SLC30A8: variants seen among roughly 807,000 people sequenced by gnomAD.
SLC30A8 encodes the protein proton-coupled zinc antiporter SLC30A8.
Under a neutral mutation model 36.9 loss-of-function variants are expected in SLC30A8, and 27 were observed. That is an observed-to-expected ratio of 0.73 (90% CI 0.54 to 1.01). The LOEUF (loss-of-function observed/expected upper bound fraction) is 1.01, where lower values mean the gene tolerates loss of function less well. Ranked by LOEUF, SLC30A8 falls within the 50% of genes least tolerant of loss-of-function variation. SLC30A8 has a pLI of 0.00. For missense variants in SLC30A8, 439 were observed against 452.0 expected, an observed-to-expected ratio of 0.97 and a Z score of 0.26; for synonymous variants, 164 against 172.4, an observed-to-expected ratio of 0.95 and a Z score of 0.38.
intron 1 of SLC30A8, among the ~76,000 whole-genome samples, chr8:117,140,172 G>T (rs1380398467): frequency 1.3e-5 from 2 of 152,012 alleles, no homozygotes; most frequent in Non-Finnish European, 2.9e-5. Context: ...CACTGAACTT[G>T]AAGATAGATT....
chr8:117,138,720 G>A (rs945535204), intron 1 of SLC30A8, among the ~76,000 whole-genome samples: 1 of 151,954 alleles, frequency 6.6e-6, no homozygotes, highest in African/African-American at 2.4e-5. Flanking sequence ...TGTATAGGAT[G>A]TATTCCAGGA....
intron 2 of SLC30A8, among the ~76,000 whole-genome samples, chr8:117,117,901 G>T (rs771557419): frequency 2.0e-5 from 3 of 151,920 alleles, no homozygotes; most frequent in Non-Finnish European, 2.9e-5. Flanking sequence ...GGCCTAGTTT[G>T]AAAAGGACAA....
At chr8:117,114,828 A>G (rs1820376250) in intron 2 of SLC30A8, among the ~76,000 whole-genome samples, 1 of 152,052 alleles carries the variant, frequency 6.6e-6, no homozygotes, top group African/African-American at 2.4e-5. Flanking sequence ...AGAAATGGGA[A>G]TGTAGAGATC....
At chr8:117,163,386 A>C in intron 5 of SLC30A8, 39 bp from the exon 6 acceptor site, 10 of 1,425,542 alleles carry the variant, frequency 7.0e-6, no homozygotes, top group African/African-American at 1.4e-5. Flanking sequence ...AAAGAGAGGT[A>C]TGAATTCAGT....
intron 2 of SLC30A8, among the ~76,000 whole-genome samples, chr8:117,116,351 A>G (rs1820445382): frequency 6.6e-6 from 1 of 152,112 alleles, no homozygotes; most frequent in Admixed American, 6.6e-5. Context: ...CTGAACTAAA[A>G]TACTAAAACA....
At chr8:117,054,004 G>A (rs1817789686) in intron 2 of SLC30A8, among the ~76,000 whole-genome samples, 1 of 151,434 alleles carries the variant, frequency 6.6e-6, no homozygotes, top group Admixed American at 6.6e-5. Flanking sequence ...TTTCCATTAT[G>A]TTGCAATAAT....
At chr8:116,962,642 A>G (rs1257666726) in intron 1 of SLC30A8, among the ~76,000 whole-genome samples, 1 of 152,010 alleles carries the variant, frequency 6.6e-6, no homozygotes, top group Non-Finnish European at 1.5e-5. Context: ...AGCAAACAGT[A>G]AAAGTCCCAA....
intron 1 of SLC30A8, among the ~76,000 whole-genome samples, chr8:117,021,851 C>T (rs1485718388): frequency 2.6e-5 from 4 of 151,958 alleles, no homozygotes; most frequent in African/African-American, 9.7e-5. Flanking sequence ...AGAAGTAAAC[C>T]CACACAGATG....
At chr8:117,009,424 T>G (rs1034135858) in intron 1 of SLC30A8, among the ~76,000 whole-genome samples, 1 of 152,230 alleles carries the variant, frequency 6.6e-6, no homozygotes, top group Non-Finnish European at 1.5e-5. Context: ...CTTCAAGAAC[T>G]AGGTGAACAA....
intron 1 of SLC30A8, among the ~76,000 whole-genome samples, chr8:116,979,770 C>T (rs929248589): frequency 1.3e-5 from 2 of 152,168 alleles, no homozygotes; most frequent in African/African-American, 2.4e-5. Context: ...TGCAAGATGT[C>T]GCTACCCATG....
intron 2 of SLC30A8, among the ~76,000 whole-genome samples, chr8:117,095,181 C>A (rs1819303724): frequency 6.6e-6 from 1 of 152,204 alleles, no homozygotes; most frequent in African/African-American, 2.4e-5. Context: ...CTCTGTGTAG[C>A]ACAGAGCCCT....
intron 2 of SLC30A8, among the ~76,000 whole-genome samples, chr8:117,088,890 A>G (rs1028940231): frequency 3.3e-5 from 5 of 152,218 alleles, no homozygotes; most frequent in African/African-American, 4.8e-5. Context: ...GAGGTAGCAC[A>G]TGAATGTATC....
At chr8:117,051,462 C>A (rs1447182294) in intron 2 of SLC30A8, among the ~76,000 whole-genome samples, 1 of 152,160 alleles carries the variant, frequency 6.6e-6, no homozygotes, top group Non-Finnish European at 1.5e-5. Context: ...GCTTAGTGTC[C>A]ACCCCATGGT....
In SLC30A8 at chr8:117,175,938, C is replaced by T. The variant is rs1336111095; in HGVS notation, c.*3257C>T. Reference sequence around the variant, plus strand: ...CTTTCTGACTGTCTCTGAAAGCTTCCGCTTTTATCTTTGAAGAGCAGAATT... The same window carrying T: ...CTTTCTGACTGTCTCTGAAAGCTTCTGCTTTTATCTTTGAAGAGCAGAATT... On this transcript the variant is annotated 3_prime_UTR_variant, in exon 8 of 8. Coordinates refer to ENST00000456015, the MANE Select transcript of SLC30A8 (RefSeq NM_173851.3). 2.0e-5 allele frequency: 3 copies of T among 151,952 alleles called. No individual in the cohort carries two copies. Among genetic ancestry groups the T allele is most frequent in the Admixed American group, 2.0e-4 (3 of 15,238 alleles). 9.4% of individuals were successfully genotyped at this position (151,952 alleles called of 1,614,324 possible).
chr8:116,964,557 G>A (rs1814535178), intron 1 of SLC30A8, among the ~76,000 whole-genome samples: 1 of 152,208 alleles, frequency 6.6e-6, no homozygotes, highest in Non-Finnish European at 1.5e-5. Context: ...AAGTGTTTAT[G>A]CAGCACCTGC....
chr8:117,048,510 G>A lies in SLC30A8; in HGVS notation c.-226+9252G>A, dbSNP rs763407682. ...AAATGCATCTTTATGTACCTATCACGGTAAGCAATTTATGCTTCCCATCCT... is the reference window on the plus strand; with the variant it reads ...AAATGCATCTTTATGTACCTATCACAGTAAGCAATTTATGCTTCCCATCCT... On this transcript the variant is annotated intron_variant, in intron 2 of 10. Transcript: ENST00000427715. Among the ~76,000 whole-genome samples the A allele has an allele frequency of 7.3e-4, 111 of 152,006 alleles. 1 individual carries two copies. Among genetic ancestry groups the A allele is most frequent in the Non-Finnish European group, 3.5e-4 (24 of 67,994 alleles).
chr8:116,990,575 A>C (rs1469992294), intron 1 of SLC30A8, among the ~76,000 whole-genome samples: 4 of 152,164 alleles, frequency 2.6e-5, no homozygotes, highest in African/African-American at 7.2e-5. Context: ...AAAATAAGGA[A>C]AGAGTGAGAA....
rs539129484 is a variant in SLC30A8, at chr8:117,168,292, C to T, written c.830-2742C>T. Among the ~76,000 whole-genome samples the T allele has an allele frequency of 2.6e-5, 4 of 152,256 alleles. No homozygotes were observed. In the East Asian group the frequency reaches 7.7e-4, roughly 29 times the overall value. ...CAGCATATGAAAGTGCCCCTTTCCT[C>T]ACATCATCACAACCACTGAGTATTA... On this transcript the variant is annotated intron_variant, in intron 6 of 7. Transcript: ENST00000456015.
At chr8:117,084,067 A>G (rs1030708373) in intron 2 of SLC30A8, among the ~76,000 whole-genome samples, 24 of 152,128 alleles carry the variant, frequency 1.6e-4, no homozygotes, top group African/African-American at 5.5e-4. Flanking sequence ...ATTTTTGACT[A>G]TAATTTTCTC....
Sources: gnomAD v4.1 joint callset for allele counts (sites outside exome capture counted in the v4.1 genomes callset) on GRCh38, gnomAD v4.1.1 for gene constraint, MANE v1.5 for transcripts, NCBI Gene and HGNC (gene_info 2026-07-23, HGNC 2026-07-21) for gene names.